Variants in FSTL5 observed in about 807,000 individuals in gnomAD.
FSTL5 encodes follistatin-related protein 5.
A neutral mutation model predicts 89.1 loss-of-function variants in FSTL5; 62 were observed. That is an observed-to-expected ratio of 0.70 (90% CI 0.57 to 0.86). The LOEUF is 0.86. Among genes scored for constraint, FSTL5 ranks in the 40% least tolerant of loss-of-function variants. The pLI, the probability that FSTL5 is intolerant of heterozygous loss-of-function variation, is 0.00. For synonymous variants in FSTL5, 383 were observed against 346.2 expected, an observed-to-expected ratio of 1.11 and a Z score of -1.18; for missense variants, 1,057 against 1,001.6, an observed-to-expected ratio of 1.06 and a Z score of -0.75.
chr4:161,612,537 C>T (rs758900128), intron 7 of FSTL5, among the ~76,000 whole-genome samples: 29 of 152,164 alleles, frequency 1.9e-4, no homozygotes, highest in Non-Finnish European at 3.5e-4. Context: ...TCATTAGCCT[C>T]CATTAACACA....
intron 15 of FSTL5, among the ~76,000 whole-genome samples, chr4:161,396,164 A>G (rs1434889129): frequency 2.6e-5 from 4 of 151,992 alleles, no homozygotes; most frequent in Admixed American, 2.6e-4. Flanking sequence ...CATCCCAGAT[A>G]CCCTAGCTGA....
chr4:161,740,298 G>A (rs1739971470), intron 6 of FSTL5, among the ~76,000 whole-genome samples: 1 of 151,996 alleles, frequency 6.6e-6, no homozygotes, highest in Non-Finnish European at 1.5e-5. Flanking sequence ...GGGATTACAG[G>A]TGTGAGCCAC....
At chr4:162,095,963 T>C (rs1730734635) in intron 2 of FSTL5, among the ~76,000 whole-genome samples, 1 of 151,856 alleles carries the variant, frequency 6.6e-6, no homozygotes, top group Non-Finnish European at 1.5e-5. Flanking sequence ...AGACCAGAGT[T>C]TTACTTCCAA....
intron 3 of FSTL5, among the ~76,000 whole-genome samples, chr4:161,996,370 T>C (rs1450015621): frequency 6.6e-6 from 1 of 152,188 alleles, no homozygotes; most frequent in Non-Finnish European, 1.5e-5. Flanking sequence ...ATCCAGGCAC[T>C]TGTGAGTCAT....
At chr4:162,033,732 T>G (rs1480736045) in intron 2 of FSTL5, 74 bp from the exon 3 acceptor site, 1 of 766,224 alleles carries the variant, frequency 1.3e-6, no homozygotes, top group African/African-American at 1.8e-5. Context: ...AAAGTTTCAC[T>G]ATAGAAGTAT....
intron 2 of FSTL5, among the ~76,000 whole-genome samples, chr4:162,072,632 C>G (rs1436647681): frequency 6.6e-6 from 1 of 151,660 alleles, no homozygotes; most frequent in African/African-American, 2.4e-5. Flanking sequence ...AATACAATAG[C>G]AAACACTTAA....
chr4:162,099,984 A>G (rs1579026990), intron 2 of FSTL5, among the ~76,000 whole-genome samples: 1 of 152,226 alleles, frequency 6.6e-6, no homozygotes, highest in African/African-American at 2.4e-5. Context: ...GAAAAATTAT[A>G]CAGCCACTGT....
intron 1 of FSTL5, among the ~76,000 whole-genome samples, chr4:162,136,387 G>A (rs1407060909): frequency 6.6e-6 from 1 of 152,018 alleles, no homozygotes; most frequent in Non-Finnish European, 1.5e-5. Flanking sequence ...AAATACTTTG[G>A]AGGTAAATGC....
intron 2 of FSTL5, among the ~76,000 whole-genome samples, chr4:162,062,565 C>T (rs2111285744): frequency 6.6e-6 from 1 of 151,778 alleles, no homozygotes; most frequent in South Asian, 2.1e-4. Context: ...CCTGACATTT[C>T]CCATCCTTAC....
chr4:161,606,169 T>C (rs900420570), intron 7 of FSTL5, among the ~76,000 whole-genome samples: 1 of 151,266 alleles, frequency 6.6e-6, no homozygotes, highest in African/African-American at 2.4e-5. Flanking sequence ...CCAAGATCAG[T>C]GAAGTTCAAT....
chr4:162,149,874 A>C (rs1438702396), intron 1 of FSTL5, among the ~76,000 whole-genome samples: 3 of 151,754 alleles, frequency 2.0e-5, no homozygotes, highest in African/African-American at 7.3e-5. Context: ...AAGAAAAAAC[A>C]TGTGGAGTAT....
At chr4:161,711,451 A>T (rs1738775105) in intron 6 of FSTL5, among the ~76,000 whole-genome samples, 1 of 152,072 alleles carries the variant, frequency 6.6e-6, no homozygotes, top group Non-Finnish European at 1.5e-5. Flanking sequence ...ATACAGAAAC[A>T]GATCAATTAA....
chr4:162,127,916 A>C (rs563830201), intron 1 of FSTL5, among the ~76,000 whole-genome samples: 26 of 152,314 alleles, frequency 1.7e-4, no homozygotes, highest in African/African-American at 6.3e-4. Flanking sequence ...TAAGTAATTC[A>C]AATTATTCAC....
At chr4:161,860,242 C>A (rs370724353) in intron 4 of FSTL5, among the ~76,000 whole-genome samples, 10 of 152,128 alleles carry the variant, frequency 6.6e-5, no homozygotes, top group African/African-American at 2.4e-4. Context: ...GAGAGGAGAT[C>A]GCGCCACTGC....
At position 161,434,158 on chromosome 4, in the gene FSTL5, C is replaced by T. The variant is rs1732476699; in HGVS notation, c.1841+20846G>A. On this transcript the variant is annotated intron_variant, in intron 15 of 15. Transcript: ENST00000306100. ...CATTAACTGGCTTCAAATTATACTA[C>T]AGTGCTGTAGTAACCAAAACAGCAT... is the stretch of plus-strand genomic sequence containing the variant. 2.0e-5 allele frequency among the ~76,000 whole-genome samples: 3 copies of T among 152,082 alleles called. No homozygotes were observed. The South Asian group carries it at 6.2e-4, about 31-fold the overall frequency.
intron 3 of FSTL5, among the ~76,000 whole-genome samples, chr4:161,980,764 CTTT>C (rs34223215): frequency 0.093 from 6,592 of 70,808 alleles, 152 homozygotes; most frequent in East Asian, 0.17. Flanking sequence ...CTTCAAGTAA[CTTT>C]TTTTTTTTTT....
At chr4:161,599,152 T>G (rs529498894) in intron 7 of FSTL5, among the ~76,000 whole-genome samples, 3 of 152,092 alleles carry the variant, frequency 2.0e-5, no homozygotes, top group Non-Finnish European at 4.4e-5. Context: ...TGAAAAGTCA[T>G]GTACTGAAAA....
intron 3 of FSTL5, among the ~76,000 whole-genome samples, chr4:161,966,441 C>T (rs1429264194): frequency 6.6e-6 from 1 of 152,002 alleles, no homozygotes; most frequent in Non-Finnish European, 1.5e-5. Context: ...AATTGCATTC[C>T]TCAAATGTGA....
intron 15 of FSTL5, among the ~76,000 whole-genome samples, chr4:161,399,045 G>C (rs1046223871): frequency 4.6e-5 from 7 of 152,116 alleles, no homozygotes; most frequent in Admixed American, 2.0e-4. Flanking sequence ...TATAAACATA[G>C]CACAATACTG....
Sources: gnomAD v4.1 joint callset for allele counts (sites outside exome capture counted in the v4.1 genomes callset) on GRCh38, gnomAD v4.1.1 for gene constraint, MANE v1.5 for transcripts, NCBI Gene and HGNC (gene_info 2026-07-23, HGNC 2026-07-21) for gene names.